SUN1: variants seen among roughly 807,000 people sequenced by gnomAD.
SUN1 encodes SUN domain-containing protein 1.
In SUN1, 61 loss-of-function variants were observed where a neutral mutation model predicts 103.2. The ratio of observed to expected loss-of-function variants is 0.59; its 90% CI spans 0.48 to 0.73. The LOEUF (loss-of-function observed/expected upper bound fraction) is 0.73, where lower values mean the gene tolerates loss of function less well. Among genes scored for constraint, SUN1 ranks in the 30% least tolerant of loss-of-function variants. The pLI is 0.00. For synonymous variants in SUN1, 490 were observed against 425.7 expected, an observed-to-expected ratio of 1.15 and a Z score of -1.86; for missense variants, 1,052 against 1,034.6, an observed-to-expected ratio of 1.02 and a Z score of -0.23.
At chr7:823,886 C>A (rs1424983661) in intron 1 of SUN1, among the ~76,000 whole-genome samples, 1 of 152,118 alleles carries the variant, frequency 6.6e-6, no homozygotes, top group Non-Finnish European at 1.5e-5. Context: ...GGCGGAAATG[C>A]CCAACAGGAA....
chr7:870,887 C>CTTTTTTTTTTTTTTT (rs59711259), intron 17 of SUN1, among the ~76,000 whole-genome samples: 17 of 101,068 alleles, frequency 1.7e-4, no homozygotes, highest in East Asian at 6.0e-4. Context: ...TATTTTCTTT[C>CTTTTTTTTTTTTTTT]TTTTTTTTTT....
At chr7:842,931 T>C in intron 3 of SUN1, 1 of 576,206 alleles carries the variant, frequency 1.7e-6, no homozygotes, top group Non-Finnish European at 3.1e-6. Flanking sequence ...AGATGGGCTT[T>C]CCTCTCCTTC....
chr7:835,949 G>A (rs1314091600), intron 1 of SUN1, among the ~76,000 whole-genome samples: 2 of 152,258 alleles, frequency 1.3e-5, no homozygotes, highest in Non-Finnish European at 2.9e-5. Flanking sequence ...CCAGAATGGG[G>A]GACTTGTCAG....
chr7:850,104 C>A, intron 5 of SUN1: 1 of 1,403,528 alleles, frequency 7.1e-7, no homozygotes, highest in Non-Finnish European at 9.7e-7. Flanking sequence ...GTGGTTTGTG[C>A]TTGGAATTCA....
intron 1 of SUN1, among the ~76,000 whole-genome samples, chr7:818,288 A>G (rs926315040): frequency 6.6e-6 from 1 of 152,216 alleles, no homozygotes. Flanking sequence ...GAATCATACA[A>G]TATGCAGCCG....
At chr7:816,436 CCTCCCTCCCT>C (rs1780507903), upstream of SUN1, 1 of 176,350 alleles carries the variant, frequency 5.7e-6, no homozygotes, top group Admixed American at 6.6e-5. Context: ...GGCCCCTCCC[CCTCCCTCCCT>C]CTCCCCCTCC....
chr7:872,684 A>G, intron 18 of SUN1, 122 bp downstream of exon 18: 1 of 739,178 alleles, frequency 1.4e-6, no homozygotes, highest in Non-Finnish European at 2.2e-6. Flanking sequence ...AAAAATGTTA[A>G]CCTGCGCTTC....
intron 5 of SUN1, chr7:848,643 T>G: frequency 7.7e-7 from 1 of 1,300,382 alleles, no homozygotes; most frequent in Non-Finnish European, 1.0e-6. Context: ...CCCTCCTTTT[T>G]CCACCAATCA....
intron 13 of SUN1, among the ~76,000 whole-genome samples, chr7:858,513 C>T (rs1829579104): frequency 6.6e-6 from 1 of 152,256 alleles, no homozygotes; most frequent in African/African-American, 2.4e-5. Flanking sequence ...TTCCCAGTCT[C>T]CTTGGTATGC....
At chr7:836,116 G>A (rs1802838531) in intron 1 of SUN1, among the ~76,000 whole-genome samples, 1 of 152,220 alleles carries the variant, frequency 6.6e-6, no homozygotes, top group African/African-American at 2.4e-5. Flanking sequence ...AGGTGGAGAG[G>A]CGTGGCTTTG....
chr7:843,399 G>T lies in SUN1; in HGVS notation c.537G>T (p.Ala179=). ...NGDVGAAAAT[A]HNGFSCSNCS... ...ATGTGGGAGCCGCCGCCGCCACCGC[G>T]CACAACGGCTTCTCCTGCAGCAACT... The change falls in exon 5 of 19, where the codon GCG becomes GCT. Residue 179 remains alanine, a synonymous_variant. Transcript: ENST00000401592. 6.2e-7 allele frequency: 1 copy of T among 1,612,842 alleles called. No homozygotes were observed. Among genetic ancestry groups the T allele is most frequent in the Non-Finnish European group, 8.5e-7 (1 of 1,179,158 alleles).
In SUN1 at chr7:838,963, C is replaced by T. The variant is rs774928207; in HGVS notation, c.243C>T (p.Val81=). The T allele has an allele frequency of 4.4e-6, 7 of 1,600,444 alleles. No homozygotes were observed. Among genetic ancestry groups the T allele is most frequent in the East Asian group, 2.2e-5 (1 of 44,586 alleles). The change falls in exon 2 of 19, where the codon GTC becomes GTT. Residue 81 remains valine (V), a synonymous_variant. Transcript: ENST00000401592. ...CCGACAGCGGCACCAGCAGCGCTGT[C>T]TCCCTGAAGAACCGAGCGGCCAGGT... ...VGADSGTSSA[V]SLKNRAARTT...
chr7:835,935 G>T (rs958523142), intron 1 of SUN1, among the ~76,000 whole-genome samples: 2 of 152,250 alleles, frequency 1.3e-5, no homozygotes, highest in African/African-American at 4.8e-5. Context: ...AAAGAAGAGA[G>T]TTTCCAGAAT....
chr7:860,053 C>T (rs932582964), intron 13 of SUN1, 75 bp from the exon 14 acceptor site: 2 of 1,552,236 alleles, frequency 1.3e-6, no homozygotes, highest in South Asian at 1.2e-5. Context: ...TCTGAGGTAT[C>T]TAAGATAATG....
intron 18 of SUN1, among the ~76,000 whole-genome samples, chr7:872,995 G>C (rs1230678380): frequency 6.6e-6 from 1 of 152,226 alleles, no homozygotes; most frequent in Non-Finnish European, 1.5e-5. Flanking sequence ...GCTGAGGCAG[G>C]AGAATCGCTT....
At chr7:856,212 C>T in intron 11 of SUN1, 146 bp from the exon 12 acceptor site, 1 of 754,180 alleles carries the variant, frequency 1.3e-6, no homozygotes, top group Non-Finnish European at 2.2e-6. Flanking sequence ...TCAATGAACA[C>T]TTCCTACCTG....
intron 11 of SUN1, 96 bp downstream of exon 11, chr7:855,102 T>C (rs1157903239): frequency 8.4e-6 from 8 of 948,216 alleles, no homozygotes; most frequent in Admixed American, 2.4e-5. Flanking sequence ...TTCCTCTTTT[T>C]AGGCTATTTG....
At chr7:856,468 C>A in intron 12 of SUN1, 67 bp downstream of exon 12, 1 of 1,585,208 alleles carries the variant, frequency 6.3e-7, no homozygotes, top group Admixed American at 1.7e-5. Flanking sequence ...GGAGCGGCAG[C>A]AGAGTGATGA....
At position 869,483 on chromosome 7, in the gene SUN1, C is replaced by T. The variant is rs1265067455; in HGVS notation, c.2115C>T (p.Asn705=). 6 of 1,613,770 alleles carry T rather than the reference C, an allele frequency of 3.7e-6. No homozygotes were observed. In the African/African-American group the frequency reaches 5.3e-5, roughly 14 times the overall value. The change falls in exon 17 of 19, where the codon AAC becomes AAT. Residue 705 remains asparagine (N), a synonymous_variant. Coordinates refer to ENST00000401592, the MANE Select transcript of SUN1 (RefSeq NM_001130965.3). ...CTAAGACGCTGTCGCCAACAGGCAACATCAGCAGCGCCCCCAAGGACTTCG... is the reference window on the plus strand; with the variant it reads ...CTAAGACGCTGTCGCCAACAGGCAATATCAGCAGCGCCCCCAAGGACTTCG... ...HIPKTLSPTG[N]ISSAPKDFAV...
Sources: gnomAD v4.1 joint callset for allele counts (sites outside exome capture counted in the v4.1 genomes callset) on GRCh38, gnomAD v4.1.1 for gene constraint, MANE v1.5 for transcripts, NCBI Gene and HGNC (gene_info 2026-07-23, HGNC 2026-07-21) for gene names.